The following MRPL22 variants were observed in gnomAD, a reference collection of about 807,000 sequenced individuals.
MRPL22 encodes large ribosomal subunit protein uL22m.
Under a neutral mutation model 32.4 loss-of-function variants are expected in MRPL22, and 27 were observed. The ratio of observed to expected loss-of-function variants is 0.83; its 90% confidence interval spans 0.61 to 1.15. The LOEUF is 1.15. Ranked by LOEUF, MRPL22 falls within the 50% of genes most tolerant of loss-of-function variation. MRPL22 has a pLI of 0.00. For synonymous variants in MRPL22, 86 were observed against 87.3 expected (o/e 0.99, Z 0.08); for missense variants, 239 against 260.2 (o/e 0.92, Z 0.56).
intron 2 of MRPL22, among the ~76,000 whole-genome samples, chr5:154,950,150 G>A (rs1303754062): frequency 1.3e-5 from 2 of 152,178 alleles, no homozygotes; most frequent in African/African-American, 4.8e-5. Context: ...CAGCAGGAGA[G>A]AGAGACAGTG....
intron 5 of MRPL22, among the ~76,000 whole-genome samples, chr5:154,958,605 C>T (rs527671086): frequency 1.2e-4 from 17 of 137,472 alleles, no homozygotes; most frequent in African/African-American, 2.2e-4. Flanking sequence ...AGTACAGTGG[C>T]GCCATCTCCG....
At chr5:154,966,564 C>G in intron 6 of MRPL22, 122 bp from the exon 7 acceptor site, 1 of 991,584 alleles carries the variant, frequency 1.0e-6, no homozygotes, top group Non-Finnish European at 1.5e-6. Flanking sequence ...CAAGCCTGCT[C>G]TAGCCAACCA....
At position 154,941,105 on chromosome 5, in the gene MRPL22, C is replaced by T; in HGVS notation, c.-6C>T. ...CTCGGCGGCTTCCGTAGCGGGAGGG[C>T]GAAAGATGGCGGCGGCAGTACTGGG... On this transcript the variant is annotated 5_prime_UTR_variant, in exon 1 of 7. Transcript: ENST00000523037. 2.5e-6 allele frequency: 4 copies of T among 1,613,624 alleles called. No homozygotes were observed. The highest frequency in any genetic ancestry group is 1.3e-5 in the African/African-American group (1 of 74,978).
intron 6 of MRPL22, among the ~76,000 whole-genome samples, chr5:154,961,766 A>G (rs1057037036): frequency 1.3e-5 from 2 of 152,078 alleles, no homozygotes; most frequent in Non-Finnish European, 2.9e-5. Context: ...AGCTCACTGC[A>G]GCTTTGAACT....
chr5:154,943,014 A>T (rs1764440183), intron 2 of MRPL22, among the ~76,000 whole-genome samples: 1 of 152,226 alleles, frequency 6.6e-6, no homozygotes, highest in Non-Finnish European at 1.5e-5. Context: ...AATTTTGTGA[A>T]TCCTTATTTT....
intron 3 of MRPL22, among the ~76,000 whole-genome samples, chr5:154,951,882 ATTT>A (rs34804035): frequency 4.1e-5 from 5 of 123,062 alleles, no homozygotes; most frequent in Non-Finnish European, 5.2e-5. Flanking sequence ...GAAATCACGT[ATTT>A]TTTTTTTTTT....
intron 3 of MRPL22, among the ~76,000 whole-genome samples, chr5:154,953,641 C>A (rs955334412): frequency 7.3e-5 from 11 of 150,698 alleles, no homozygotes; most frequent in Non-Finnish European, 4.4e-5. Context: ...GATAATAATA[C>A]CTTAATGTGA....
intron 6 of MRPL22, among the ~76,000 whole-genome samples, chr5:154,961,267 C>G (rs1202387143): frequency 6.6e-6 from 1 of 152,106 alleles, no homozygotes; most frequent in African/African-American, 2.4e-5. Context: ...ACCCAAGATG[C>G]AGGGCCATGG....
intron 3 of MRPL22, among the ~76,000 whole-genome samples, chr5:154,953,363 A>G (rs866059525): frequency 2.0e-3 from 38 of 18,556 alleles, no homozygotes; most frequent in African/African-American, 0.013. Context: ...GTCTCAGGAG[A>G]AAAAAAAAAA....
chr5:154,957,914 C>CTTTTTTT (rs912216773), intron 5 of MRPL22, among the ~76,000 whole-genome samples: 9 of 120,862 alleles, frequency 7.4e-5, no homozygotes, highest in Non-Finnish European at 1.0e-4. Flanking sequence ...ATATATTTTT[C>CTTTTTTT]TTTTTTTTTT....
intron 2 of MRPL22, among the ~76,000 whole-genome samples, chr5:154,949,634 T>C (rs893406916): frequency 2.0e-5 from 3 of 152,320 alleles, no homozygotes; most frequent in Admixed American, 1.3e-4. Flanking sequence ...ATGAAAATCA[T>C]TGGGAAGTTG....
At chr5:154,956,216 A>G in intron 3 of MRPL22, 155 bp from the exon 4 acceptor site, 1 of 619,534 alleles carries the variant, frequency 1.6e-6, no homozygotes, top group East Asian at 3.1e-5. Context: ...TGTAGGGGAA[A>G]ATAATCTCTA....
At chr5:154,955,046 G>A (rs1764613690) in intron 3 of MRPL22, among the ~76,000 whole-genome samples, 1 of 151,756 alleles carries the variant, frequency 6.6e-6, no homozygotes, top group Non-Finnish European at 1.5e-5. Flanking sequence ...CGGCCGCCTC[G>A]GCCTCCCAAA....
rs1237072661 is a variant in MRPL22, at chr5:154,956,377, T to C, written c.202T>C (p.Tyr68His). 6.2e-7 allele frequency: 1 copy of C among 1,606,924 alleles called. No individual in the cohort carries two copies. ...PGEPRRPAEI[Y>H]HCRRQIKYSK... ...TTTTTTTCCAATTTGTAAGGAAATC[T>C]ACCACTGTCGAAGACAAATAAAATA... is the stretch of plus-strand genomic sequence containing the variant. The change falls in exon 4 of 7, where the codon TAC (tyrosine) becomes CAC (histidine). Residue 68 changes from tyrosine (Y) to histidine (H), a missense_variant. Physicochemically the swap from Tyr to His is moderately conservative, Grantham distance 83. Transcript: ENST00000523037.
chr5:154,960,199 T>C lies in MRPL22; in HGVS notation c.409+150T>C, dbSNP rs202144377. 89 of 605,898 alleles carry C rather than the reference T, an allele frequency of 1.5e-4. 1 individual carries two copies. In the African/African-American group the frequency reaches 1.5e-3, roughly 10 times the overall value. The allele number at this position is 605,898 out of a possible 1,614,324, so 37.5% of individuals were successfully genotyped here. ...ATGGCTTATTCTTCAGCTGTATGCATGCCAATTTTAATTTAGTGTAAATGA... is the reference window on the plus strand; with the variant it reads ...ATGGCTTATTCTTCAGCTGTATGCACGCCAATTTTAATTTAGTGTAAATGA... On this transcript the variant is annotated intron_variant, in intron 6 of 6. Transcript: ENST00000523037.
At chr5:154,944,218 A>G (rs988868113) in intron 2 of MRPL22, among the ~76,000 whole-genome samples, 39 of 152,290 alleles carry the variant, frequency 2.6e-4, no homozygotes, top group African/African-American at 8.9e-4. Flanking sequence ...TTGGCCTCCC[A>G]AAGTGCTGGG....
chr5:154,960,849 T>A (rs983744253), intron 6 of MRPL22, among the ~76,000 whole-genome samples: 5 of 152,204 alleles, frequency 3.3e-5, no homozygotes, highest in Non-Finnish European at 5.9e-5. Context: ...ACCTCAGCAG[T>A]TTTATATTCA....
chr5:154,957,042 A>G, intron 4 of MRPL22, 93 bp from the exon 5 acceptor site: 1 of 1,167,444 alleles, frequency 8.6e-7, no homozygotes, highest in South Asian at 1.4e-5. Flanking sequence ...TGTTTTTAGA[A>G]GTTACTCAAA....
intron 2 of MRPL22, among the ~76,000 whole-genome samples, chr5:154,947,001 A>G (rs1232798963): frequency 6.9e-6 from 1 of 144,414 alleles, no homozygotes; most frequent in Non-Finnish European, 1.5e-5. Flanking sequence ...AGTGTTTATC[A>G]TGGGCTAGAC....
Sources: gnomAD v4.1 joint callset for allele counts (sites outside exome capture counted in the v4.1 genomes callset) on GRCh38, gnomAD v4.1.1 for gene constraint, MANE v1.5 for transcripts, NCBI Gene and HGNC (gene_info 2026-07-23, HGNC 2026-07-21) for gene names.